Variants in SLCO5A1 observed in about 807,000 individuals in gnomAD.
SLCO5A1 encodes solute carrier organic anion transporter family member 5A1, also known as organic anion transporter polypeptide-related protein 4.
Under a neutral mutation model 65.1 loss-of-function variants are expected in SLCO5A1, and 39 were observed. That is an observed-to-expected ratio of 0.60 (90% confidence interval 0.46 to 0.78). The LOEUF (loss-of-function observed/expected upper bound fraction) is 0.78. SLCO5A1 is among the 30% of genes least tolerant of loss of function. The pLI is 0.00. For synonymous variants in SLCO5A1, 438 were observed against 415.7 expected (o/e 1.05, Z -0.65); for missense variants, 1,029 against 1,069.4 (o/e 0.96, Z 0.53).
chr8:69,753,254 T>C (rs1388025452), intron 4 of SLCO5A1, among the ~76,000 whole-genome samples: 2 of 152,198 alleles, frequency 1.3e-5, no homozygotes, highest in East Asian at 1.9e-4. Context: ...CACCTCAGAA[T>C]TGCCTACCCC....
chr8:69,724,306 C>T (rs766539159), intron 5 of SLCO5A1, among the ~76,000 whole-genome samples: 1 of 152,182 alleles, frequency 6.6e-6, no homozygotes, highest in Non-Finnish European at 1.5e-5. Flanking sequence ...CACTGAACTA[C>T]TCTATATAAA....
chr8:69,801,917 C>T (rs532755788), intron 2 of SLCO5A1, among the ~76,000 whole-genome samples: 1 of 152,320 alleles, frequency 6.6e-6, no homozygotes, highest in African/African-American at 2.4e-5. Flanking sequence ...CTTCCACCTC[C>T]AAACTCTGTG....
chr8:69,677,279 T>C (rs1210494365), intron 8 of SLCO5A1, among the ~76,000 whole-genome samples: 1 of 152,200 alleles, frequency 6.6e-6, no homozygotes, highest in East Asian at 1.9e-4. Context: ...GACAGGAAGA[T>C]TGGAGTCAAC....
intron 2 of SLCO5A1, among the ~76,000 whole-genome samples, chr8:69,764,768 A>G (rs917286177): frequency 6.6e-6 from 1 of 152,192 alleles, no homozygotes; most frequent in Non-Finnish European, 1.5e-5. Context: ...ACAACTTAAA[A>G]CTGTAATGAG....
intron 2 of SLCO5A1, among the ~76,000 whole-genome samples, chr8:69,798,693 G>T (rs547900755): frequency 1.3e-5 from 2 of 152,236 alleles, no homozygotes; most frequent in South Asian, 4.1e-4. Context: ...TTTGGGCAGG[G>T]ACACAGATCC....
In SLCO5A1 at chr8:69,799,708, G is replaced by A. The variant is rs114062015; in HGVS notation, c.907+32059C>T. 8.9e-3 allele frequency among the ~76,000 whole-genome samples: 1,361 copies of A among 152,264 alleles called. 13 individuals are homozygous for A. Among genetic ancestry groups the A allele is most frequent in the African/African-American group, 0.03 (1,228 of 41,536 alleles). On this transcript the variant is annotated intron_variant, in intron 2 of 9. Coordinates refer to ENST00000260126, the MANE Select transcript of SLCO5A1 (RefSeq NM_030958.3). ...ACGTCCTTCTTCACATGGCAATAGC[G>A]AAGAGAGGTACTGAGCAAAAGGGGG...
intron 2 of SLCO5A1, among the ~76,000 whole-genome samples, chr8:69,812,519 A>G (rs16936455): frequency 0.062 from 9,459 of 152,282 alleles, 451 homozygotes; most frequent in East Asian, 0.25. Flanking sequence ...AAAGTATAGT[A>G]TGAGTCTCAT....
In SLCO5A1 at chr8:69,672,657, T is replaced by C. The variant is rs376485045; in HGVS notation, c.*212A>G. 21 of 580,622 alleles carry C rather than the reference T, an allele frequency of 3.6e-5. No homozygotes were observed. In the East Asian group the frequency reaches 4.0e-4, roughly 11 times the overall value. 36.0% of individuals were successfully genotyped at this position (580,622 alleles called of 1,614,324 possible). Reference sequence around the variant, plus strand: ...AAATGGGAACAAATCTAGCTGAACGTCTCCTTCTTGGAGAGAAGCGGGGAA... The same window carrying C: ...AAATGGGAACAAATCTAGCTGAACGCCTCCTTCTTGGAGAGAAGCGGGGAA... On this transcript the variant is annotated 3_prime_UTR_variant, in exon 10 of 10. Coordinates refer to ENST00000260126, the MANE Select transcript of SLCO5A1 (RefSeq NM_030958.3).
In SLCO5A1 at chr8:69,821,197, T is replaced by TAA. The variant is rs34078991; in HGVS notation, c.907+10568_907+10569dup. Reference sequence around the variant, plus strand: ...TACTTTTAGAAGACTGAAGAAATGTTAAAAAAAAAAAATTAGCTGGGCATG... The same window carrying TAA: ...TACTTTTAGAAGACTGAAGAAATGTTAAAAAAAAAAAAAATTAGCTGGGCATG... On this transcript the variant is annotated intron_variant, in intron 2 of 9. Coordinates refer to ENST00000260126, the MANE Select transcript of SLCO5A1 (RefSeq NM_030958.3). Among the ~76,000 whole-genome samples, 408 of 148,206 alleles carry TAA rather than the reference T, an allele frequency of 2.8e-3. 1 individual carries two copies. The highest frequency in any genetic ancestry group is 6.4e-3 in the South Asian group (30 of 4,702).
intron 2 of SLCO5A1, among the ~76,000 whole-genome samples, chr8:69,828,870 C>T (rs908570342): frequency 6.6e-6 from 1 of 152,262 alleles, no homozygotes; most frequent in East Asian, 1.9e-4. Flanking sequence ...AATCTCAGGG[C>T]TGTTGTTAGT....
chr8:69,672,937 C>G lies in SLCO5A1; in HGVS notation c.2479G>C (p.Glu827Gln). ...GGGTCCGCAGAGGAACTTATTGCTT[C>G]TGGGAAGGGCCCCGGGTAGGTCTGT... ...AAQTYPGPFP[E>Q]AISSSADPGL... Residue 827 changes from glutamate to glutamine, a missense_variant, in exon 10 of 10, where the codon GAA (glutamate) becomes CAA (glutamine). Glu to Gln is a conservative substitution (Grantham distance 29). This residue lies in a region of SLCO5A1 where 258 missense variants were observed against 237.4 expected (regional missense o/e 1.09). Transcript: ENST00000260126. The G allele has an allele frequency of 1.9e-6, 3 of 1,614,222 alleles. No homozygotes were observed. The highest frequency in any genetic ancestry group is 2.5e-6 in the Non-Finnish European group (3 of 1,180,040).
chr8:69,821,399 A>G lies in SLCO5A1; in HGVS notation c.907+10368T>C, dbSNP rs143305219. Among the ~76,000 whole-genome samples the G allele has an allele frequency of 1.0e-3, 154 of 151,746 alleles. 1 individual carries two copies. In the Middle Eastern group the frequency reaches 0.014, roughly 13 times the overall value. ...ATTTGCAAAATGAAGAAGAACAGGA[A>G]GAGGATAAAGAAGAGGAAGAAGAAG... On this transcript the variant is annotated intron_variant, in intron 2 of 9. Coordinates refer to ENST00000260126, the MANE Select transcript of SLCO5A1 (RefSeq NM_030958.3).
chr8:69,707,063 G>A (rs34431060), intron 5 of SLCO5A1, among the ~76,000 whole-genome samples: 6,101 of 152,058 alleles, frequency 0.04, 237 homozygotes, highest in African/African-American at 0.097. Context: ...CAGGAGAATC[G>A]CTTGATTGAA....
At chr8:69,745,119 G>T (rs1816963511) in intron 4 of SLCO5A1, among the ~76,000 whole-genome samples, 1 of 152,018 alleles carries the variant, frequency 6.6e-6, no homozygotes, top group South Asian at 2.1e-4. Flanking sequence ...TGTATTAACT[G>T]GTAATACTAG....
chr8:69,766,541 A>G (rs1339093876), intron 2 of SLCO5A1, among the ~76,000 whole-genome samples: 2 of 151,908 alleles, frequency 1.3e-5, no homozygotes, highest in Non-Finnish European at 2.9e-5. Context: ...GTGTGTGTGC[A>G]TGTGTGTGTT....
rs539193099 is a variant in SLCO5A1, at chr8:69,770,129, T to C, written c.908-8254A>G. Among the ~76,000 whole-genome samples, 7 of 152,230 alleles carry C rather than the reference T, an allele frequency of 4.6e-5. No individual in the cohort carries two copies. In the South Asian group the frequency reaches 1.4e-3, roughly 31 times the overall value. On this transcript the variant is annotated intron_variant, in intron 2 of 9. Transcript: ENST00000260126. ...CCAGCTTTTTCTATGTCAATAAATA[T>C]TCTTCCATAACATTTGCTATGTCTA...
rs60625289 is a variant in SLCO5A1 at position 69,834,086 on chromosome 8, C to CCACACACACA, written c.-497+758_-497+767dup. 354 of 144,432 alleles carry CCACACACACA rather than the reference C, an allele frequency of 2.5e-3. 1 individual carries two copies. Among genetic ancestry groups the CCACACACACA allele is most frequent in the African/African-American group, 7.8e-3 (300 of 38,620 alleles). The allele number at this position is 144,432 out of a possible 1,614,324, so 8.9% of individuals were successfully genotyped here. A position where few individuals can be genotyped will look rare whatever the true frequency, so the allele number is the denominator to read the frequency against. Reference sequence around the variant, plus strand: ...CTGGGGAGCGTGTGCGCGTGCGCGGCCACACACACACACACACACACACAC... The same window carrying CCACACACACA: ...CTGGGGAGCGTGTGCGCGTGCGCGGCCACACACACACACACACACACACACACACACACAC... On this transcript the variant is annotated intron_variant, in intron 1 of 9. Coordinates refer to ENST00000260126, the MANE Select transcript of SLCO5A1 (RefSeq NM_030958.3).
chr8:69,704,927 A>G (rs1374027655), intron 6 of SLCO5A1, 104 bp downstream of exon 6: 1 of 1,050,638 alleles, frequency 9.5e-7, no homozygotes, highest in East Asian at 2.4e-5. Flanking sequence ...CACAGGGAGA[A>G]CAGCTTGGAG....
rs1821218984 is a variant in SLCO5A1 at position 69,832,584 on chromosome 8, C to A, written c.90G>T (p.Pro30=). ...TAEAVQERCE[P]ETLRSKSLPV... ...GTAAACTCTTAGACCTGAGGGTCTC[C>A]GGCTCGCACCTCTCTTGGACAGCTT... Residue 30 remains proline, a synonymous_variant, in exon 2 of 10, where the codon CCG becomes CCT. Transcript: ENST00000260126. This position sits in a 1 kb window ranked among gnomAD's most constrained non-coding sequence, Gnocchi z 4.5. 1.2e-6 allele frequency: 2 copies of A among 1,612,818 alleles called. No homozygotes were observed.
Sources: allele counts gnomAD v4.1 joint callset (sites outside exome capture counted in the v4.1 genomes callset), GRCh38; gene constraint gnomAD v4.1.1; regional missense constraint gnomAD v4.1.1; non-coding constraint Gnocchi (gnomAD v3.1); transcripts MANE v1.5; gene names NCBI Gene and HGNC (gene_info 2026-07-23, HGNC 2026-07-21).